Variants in NLGN1 observed in about 807,000 individuals in gnomAD.
The protein encoded by NLGN1 is neuroligin 1, also known as neuroligin-1.
NLGN1 carries 12 observed loss-of-function variants against 65.5 expected under a neutral mutation model. The observed-to-expected ratio is 0.18, with a 90% CI of 0.12 to 0.30. The LOEUF is 0.30. Ranked by LOEUF, NLGN1 falls within the 10% of genes least tolerant of loss-of-function variation. The pLI is 1.00. For missense variants in NLGN1, 750 were observed against 1,007.1 expected (o/e 0.74, Z 3.46); for synonymous variants, 350 against 359.5 (o/e 0.97, Z 0.30).
chr3:173,696,781 A>C (rs1295246220), intron 3 of NLGN1, among the ~76,000 whole-genome samples: 1 of 152,200 alleles, frequency 6.6e-6, no homozygotes, highest in Admixed American at 6.5e-5. Flanking sequence ...GTTGCCCTAC[A>C]TATACAAGAA....
chr3:173,555,121 T>C (rs930771510), intron 2 of NLGN1, among the ~76,000 whole-genome samples: 1 of 152,360 alleles, frequency 6.6e-6, no homozygotes, highest in East Asian at 1.9e-4. Context: ...GTATTGTTGA[T>C]TTCTTAATAT....
chr3:174,151,055 A>G (rs1271379572), intron 4 of NLGN1, among the ~76,000 whole-genome samples: 1 of 151,810 alleles, frequency 6.6e-6, no homozygotes, highest in Non-Finnish European at 1.5e-5. Flanking sequence ...AAACATCTCT[A>G]CAGCTCACAT....
At chr3:173,413,780 C>CA (rs963916316) in intron 1 of NLGN1, among the ~76,000 whole-genome samples, 16 of 152,184 alleles carry the variant, frequency 1.1e-4, no homozygotes, top group African/African-American at 3.9e-4. Flanking sequence ...AGCAGCAGGT[C>CA]AAATGGGAAG....
At chr3:173,562,797 A>G (rs1742972369) in intron 2 of NLGN1, among the ~76,000 whole-genome samples, 1 of 152,112 alleles carries the variant, frequency 6.6e-6, no homozygotes, top group Non-Finnish European at 1.5e-5. Flanking sequence ...GGTTTTCTTC[A>G]TGCAGCCTCC....
At chr3:174,281,283 C>A in exon 7 of NLGN1, 2 of 1,608,592 alleles carry the variant, frequency 1.2e-6, no homozygotes, top group Non-Finnish European at 1.7e-6. Context: ...CCCCCATTCA[C>A]ATTCAACAAC....
chr3:174,099,968 A>G (rs917175319), intron 4 of NLGN1, among the ~76,000 whole-genome samples: 2 of 152,224 alleles, frequency 1.3e-5, no homozygotes, highest in East Asian at 1.9e-4. Context: ...CATCATCTTT[A>G]AAGACGTGCC....
chr3:173,530,306 A>G (rs2149178175), intron 2 of NLGN1, among the ~76,000 whole-genome samples: 1 of 152,116 alleles, frequency 6.6e-6, no homozygotes, highest in Non-Finnish European at 1.5e-5. Flanking sequence ...TTTCATTCCC[A>G]CTGTGACTCT....
intron 4 of NLGN1, among the ~76,000 whole-genome samples, chr3:173,851,309 ATCAT>A (rs1324039417): frequency 1.3e-5 from 2 of 152,234 alleles, no homozygotes; most frequent in Non-Finnish European, 2.9e-5. Context: ...TCAATAATAA[ATCAT>A]TCATCTACAT....
intron 4 of NLGN1, among the ~76,000 whole-genome samples, chr3:174,120,486 G>A (rs1164436361): frequency 6.6e-6 from 1 of 151,736 alleles, no homozygotes; most frequent in African/African-American, 2.4e-5. Context: ...CAGCCTGGGT[G>A]ACAGAGCAAG....
At chr3:173,400,235 A>G (rs1717409660) in intron 1 of NLGN1, among the ~76,000 whole-genome samples, 1 of 152,198 alleles carries the variant, frequency 6.6e-6, no homozygotes, top group Non-Finnish European at 1.5e-5. Context: ...ACCAAAGTCC[A>G]GTCTTCTAGA....
chr3:173,585,509 T>C (rs965769185), intron 2 of NLGN1, among the ~76,000 whole-genome samples: 5 of 151,750 alleles, frequency 3.3e-5, no homozygotes, highest in Non-Finnish European at 7.4e-5. Context: ...CCCTTCCCGC[T>C]TCCCGCTTCT....
At chr3:173,742,494 G>A (rs1774804886) in intron 3 of NLGN1, among the ~76,000 whole-genome samples, 1 of 151,972 alleles carries the variant, frequency 6.6e-6, no homozygotes, top group South Asian at 2.1e-4. Flanking sequence ...GATCTTTTTA[G>A]GTAGCTTGTA....
At chr3:174,147,910 A>G (rs1224179774) in intron 4 of NLGN1, among the ~76,000 whole-genome samples, 1 of 152,182 alleles carries the variant, frequency 6.6e-6, no homozygotes, top group Non-Finnish European at 1.5e-5. Flanking sequence ...ATTATACTTT[A>G]AACATAAATG....
chr3:173,999,545 A>G (rs547302216), intron 4 of NLGN1, among the ~76,000 whole-genome samples: 12 of 152,308 alleles, frequency 7.9e-5, no homozygotes, highest in Non-Finnish European at 1.3e-4. Context: ...GATACAAATA[A>G]TGGAAGTTTC....
intron 2 of NLGN1, among the ~76,000 whole-genome samples, chr3:173,547,101 T>G (rs1321643694): frequency 2.0e-5 from 3 of 152,176 alleles, no homozygotes; most frequent in African/African-American, 7.2e-5. Context: ...TAATTAAACT[T>G]GGGACTCGAA....
At chr3:173,585,403 C>T (rs1456107932) in intron 2 of NLGN1, among the ~76,000 whole-genome samples, 5 of 152,076 alleles carry the variant, frequency 3.3e-5, no homozygotes, top group Admixed American at 2.0e-4. Context: ...GTGCTTCGGC[C>T]GCCGTTTCTG....
chr3:174,124,153 G>A (rs963188069), intron 4 of NLGN1, among the ~76,000 whole-genome samples: 6 of 152,074 alleles, frequency 3.9e-5, no homozygotes, highest in Middle Eastern at 3.4e-3. Flanking sequence ...CCAAATGTCC[G>A]GCATTTTAAT....
At chr3:173,442,162 G>T (rs554981081) in intron 2 of NLGN1, among the ~76,000 whole-genome samples, 1 of 152,022 alleles carries the variant, frequency 6.6e-6, no homozygotes, top group Non-Finnish European at 1.5e-5. Context: ...AATCTGTTAC[G>T]CAGTTTTCAA....
intron 4 of NLGN1, among the ~76,000 whole-genome samples, chr3:174,234,423 T>C (rs1372867575): frequency 6.6e-5 from 10 of 152,160 alleles, no homozygotes; most frequent in Admixed American, 5.9e-4. Context: ...GCAGTGTGTT[T>C]ACTAGAGTTG....
Sources: gnomAD v4.1 joint callset for allele counts (sites outside exome capture counted in the v4.1 genomes callset) on GRCh38, gnomAD v4.1.1 for gene constraint, MANE v1.5 for transcripts, NCBI Gene and HGNC (gene_info 2026-07-23, HGNC 2026-07-21) for gene names.